Variants in ORC5 observed in about 807,000 individuals in gnomAD.
ORC5 encodes the protein origin recognition complex subunit 5.
Under a neutral mutation model 58.8 loss-of-function variants are expected in ORC5, and 39 were observed. That is an observed-to-expected ratio of 0.66 (90% CI 0.51 to 0.87). The LOEUF (loss-of-function observed/expected upper bound fraction) is 0.87. Ranked by LOEUF, ORC5 falls within the 40% of genes least tolerant of loss-of-function variation. The pLI, the probability that ORC5 is intolerant of heterozygous loss-of-function variation, is 0.00. For synonymous variants in ORC5, 218 were observed against 177.6 expected (o/e 1.23, Z -1.81); for missense variants, 493 against 506.3 (o/e 0.97, Z 0.25).
chr7:104,183,092 G>A (rs575893036), intron 8 of ORC5, among the ~76,000 whole-genome samples: 13 of 152,142 alleles, frequency 8.5e-5, no homozygotes, highest in Non-Finnish European at 1.6e-4. Context: ...CCAAGATTGC[G>A]CCATTGCACT....
chr7:104,161,613 T>A lies in ORC5; in HGVS notation c.1039-431A>T, dbSNP rs1799023444. 2.6e-5 allele frequency among the ~76,000 whole-genome samples: 4 copies of A among 152,098 alleles called. No homozygotes were observed. The South Asian group carries it at 8.3e-4, about 32-fold the overall frequency. On this transcript the variant is annotated intron_variant, in intron 11 of 13. Coordinates refer to ENST00000297431, the MANE Select transcript of ORC5 (RefSeq NM_002553.4). Reference sequence around the variant, plus strand: ...GTCTTAAACTCCTGGCCTCAAGCAATCCTCCCCACCTTGGCCTCCCAAAGT... The same window carrying A: ...GTCTTAAACTCCTGGCCTCAAGCAAACCTCCCCACCTTGGCCTCCCAAAGT...
At chr7:104,176,697 G>C (rs1799329123) in intron 8 of ORC5, among the ~76,000 whole-genome samples, 1 of 152,056 alleles carries the variant, frequency 6.6e-6, no homozygotes, top group Non-Finnish European at 1.5e-5. Flanking sequence ...GGGAGCTCAG[G>C]ATTTTATTTT....
In ORC5 at chr7:104,136,944, C is replaced by A. The variant is rs779167446; in HGVS notation, c.1150-51G>T. On this transcript the variant is annotated intron_variant, in intron 12 of 13. Coordinates refer to ENST00000297431, the MANE Select transcript of ORC5 (RefSeq NM_002553.4). This position sits in a 1 kb window ranked among gnomAD's most constrained non-coding sequence, Gnocchi z 4.2. ...ACTGTTTTAATAAGATTATGTAATA[C>A]TTTTGTTTCTGAAACATCTTATAGT... is the stretch of plus-strand genomic sequence containing the variant. The A allele has an allele frequency of 3.9e-5, 50 of 1,279,686 alleles. No homozygotes were observed. Among genetic ancestry groups the A allele is most frequent in the Non-Finnish European group, 5.3e-5 (47 of 880,898 alleles). 79.3% of individuals were successfully genotyped at this position (1,279,686 alleles called of 1,614,324 possible).
At chr7:104,183,811 T>C (rs1387374031) in intron 8 of ORC5, 132 bp downstream of exon 8, 7 of 625,358 alleles carry the variant, frequency 1.1e-5, no homozygotes, top group Non-Finnish European at 1.9e-5. Flanking sequence ...GCATGTGCTT[T>C]CCCATTGCAA....
chr7:104,148,811 A>G (rs1798800904), intron 12 of ORC5, among the ~76,000 whole-genome samples: 1 of 152,200 alleles, frequency 6.6e-6, no homozygotes, highest in African/African-American at 2.4e-5. Context: ...AGGCAGGCAG[A>G]TCACTTGAGG....
intron 12 of ORC5, among the ~76,000 whole-genome samples, chr7:104,151,709 G>A (rs1798850328): frequency 6.6e-6 from 1 of 152,126 alleles, no homozygotes; most frequent in African/African-American, 2.4e-5. Flanking sequence ...AGGTTCAGCT[G>A]GCAATTTGGA....
At chr7:104,140,941 T>C (rs964785572) in intron 12 of ORC5, among the ~76,000 whole-genome samples, 2 of 152,218 alleles carry the variant, frequency 1.3e-5, no homozygotes, top group African/African-American at 2.4e-5. Context: ...TAGATTCAAA[T>C]TGTTAATTTA....
chr7:104,199,915 G>A (rs1799897581), intron 3 of ORC5, among the ~76,000 whole-genome samples: 1 of 152,186 alleles, frequency 6.6e-6, no homozygotes, highest in Non-Finnish European at 1.5e-5. Context: ...CCAGGTGGAG[G>A]TAAATGAATC....
intron 8 of ORC5, among the ~76,000 whole-genome samples, chr7:104,174,869 A>G (rs1038923762): frequency 1.3e-5 from 2 of 152,180 alleles, no homozygotes; most frequent in East Asian, 3.8e-4. Flanking sequence ...CACACTGCAC[A>G]TGCTCACCTC....
intron 13 of ORC5, among the ~76,000 whole-genome samples, chr7:104,127,492 G>C (rs999190993): frequency 6.6e-6 from 1 of 152,116 alleles, no homozygotes; most frequent in Non-Finnish European, 1.5e-5. Flanking sequence ...CAGAGAGAGA[G>C]ACATATAATT....
At chr7:104,185,652 G>C (rs1382121473) in intron 6 of ORC5, among the ~76,000 whole-genome samples, 1 of 152,230 alleles carries the variant, frequency 6.6e-6, no homozygotes, top group South Asian at 2.1e-4. Flanking sequence ...GATCTCTCTA[G>C]AAACTCTATG....
At chr7:104,145,829 C>T (rs1798744869) in intron 12 of ORC5, among the ~76,000 whole-genome samples, 1 of 152,154 alleles carries the variant, frequency 6.6e-6, no homozygotes, top group Non-Finnish European at 1.5e-5. Context: ...AAGCCCAGCA[C>T]TTTCCAATCC....
At chr7:104,143,094 G>C (rs1798700524) in intron 12 of ORC5, among the ~76,000 whole-genome samples, 1 of 152,064 alleles carries the variant, frequency 6.6e-6, no homozygotes. Flanking sequence ...AAATAGGTTA[G>C]TAATAGCTAT....
chr7:104,161,933 A>T (rs1365587609), intron 11 of ORC5, among the ~76,000 whole-genome samples: 1 of 152,210 alleles, frequency 6.6e-6, no homozygotes, highest in East Asian at 1.9e-4. Context: ...GGAAAATTCA[A>T]CACCAGTAGC....
At chr7:104,151,383 AAGG>A (rs1798844409) in intron 12 of ORC5, among the ~76,000 whole-genome samples, 2 of 152,292 alleles carry the variant, frequency 1.3e-5, no homozygotes, top group South Asian at 2.1e-4. Flanking sequence ...GGTGGAAAAA[AAGG>A]AGAATGTTTA....
intron 8 of ORC5, among the ~76,000 whole-genome samples, chr7:104,181,709 G>A (rs1185028797): frequency 2.0e-5 from 3 of 151,526 alleles, no homozygotes; most frequent in Non-Finnish European, 2.9e-5. Flanking sequence ...GGAGAATGGC[G>A]TGAACCCGGG....
intron 8 of ORC5, among the ~76,000 whole-genome samples, chr7:104,174,260 A>G (rs939469350): frequency 2.0e-5 from 3 of 152,226 alleles, no homozygotes; most frequent in Non-Finnish European, 4.4e-5. Flanking sequence ...AAGCAAAAAT[A>G]AACATTCTAA....
chr7:104,135,053 C>A (rs1798568358), intron 13 of ORC5, among the ~76,000 whole-genome samples: 1 of 152,144 alleles, frequency 6.6e-6, no homozygotes, highest in African/African-American at 2.4e-5. Context: ...TGTCTAACAT[C>A]CATCACTGTG....
At chr7:104,142,460 C>CA (rs1488447546) in intron 12 of ORC5, among the ~76,000 whole-genome samples, 2 of 151,738 alleles carry the variant, frequency 1.3e-5, no homozygotes, top group Non-Finnish European at 2.9e-5. Flanking sequence ...AGGCAATCTA[C>CA]AGAATGGGAG....
Sources: gnomAD v4.1 joint callset for allele counts (sites outside exome capture counted in the v4.1 genomes callset) on GRCh38, gnomAD v4.1.1 for gene constraint, Gnocchi (gnomAD v3.1) non-coding constraint, MANE v1.5 for transcripts, NCBI Gene and HGNC (gene_info 2026-07-23, HGNC 2026-07-21) for gene names.